DCAF13: variants seen among roughly 807,000 people sequenced by gnomAD.
DCAF13 encodes the protein DDB1 and CUL4 associated factor 13.
In DCAF13, 38 loss-of-function variants were observed where a neutral mutation model predicts 59.0. The observed-to-expected ratio is 0.64, with a 90% CI of 0.50 to 0.84. The LOEUF (loss-of-function observed/expected upper bound fraction) is 0.84. Ranked by LOEUF, DCAF13 falls within the 40% of genes least tolerant of loss-of-function variation. DCAF13 has a pLI of 0.00. For synonymous variants in DCAF13, 173 were observed against 175.0 expected, an observed-to-expected ratio of 0.99 and a Z score of 0.09; for missense variants, 469 against 558.4, an observed-to-expected ratio of 0.84 and a Z score of 1.61.
Position 103,430,699 on chromosome 8 carries a change from A to G in DCAF13, c.702+10A>G, listed in dbSNP as rs1034410786. The G allele has an allele frequency of 2.7e-5, 44 of 1,603,428 alleles. No individual in the cohort carries two copies. The highest frequency in any genetic ancestry group is 3.8e-5 in the Non-Finnish European group (44 of 1,173,224). On this transcript the variant is annotated intron_variant, in intron 6 of 10. Transcript: ENST00000612750. ...TACTCCTTTGAAAAAGGTGAGTTTCAGTTTTGACTTTTGCTTTATACAGTT... is the reference window on the plus strand; with the variant it reads ...TACTCCTTTGAAAAAGGTGAGTTTCGGTTTTGACTTTTGCTTTATACAGTT...
At chr8:103,438,554 C>T (rs1816964091) in intron 8 of DCAF13, among the ~76,000 whole-genome samples, 1 of 151,840 alleles carries the variant, frequency 6.6e-6, no homozygotes, top group African/African-American at 2.4e-5. Flanking sequence ...TGAGCAGCAC[C>T]ACACCTAGCT....
At chr8:103,429,526 G>C (rs150217408) in intron 5 of DCAF13, 2 of 152,306 alleles carry the variant, frequency 1.3e-5, no homozygotes, top group African/African-American at 4.8e-5. Flanking sequence ...ATGCTACAGA[G>C]AGAGGGTTTC....
rs912873567 is a variant in DCAF13, at chr8:103,443,043, G to T, written c.*161G>T. ...GCTACCCTGAAAAATGATCCTTAAA[G>T]GTGGCCTAGTTGGTAAGACTGTTTT... On this transcript the variant is annotated 3_prime_UTR_variant, in exon 11 of 11. Transcript: ENST00000612750. 6.0e-6 allele frequency: 3 copies of T among 503,778 alleles called. No individual in the cohort carries two copies. Among genetic ancestry groups the T allele is most frequent in the Middle Eastern group, 5.3e-4 (1 of 1,886 alleles). The allele number at this position is 503,778 out of a possible 1,614,324, so 31.2% of individuals were successfully genotyped here. A position where few individuals can be genotyped will look rare whatever the true frequency, so the allele number is the denominator to read the frequency against.
chr8:103,432,499 C>T (rs920277341), intron 6 of DCAF13, among the ~76,000 whole-genome samples, 160 bp from the exon 7 acceptor site: 3 of 152,106 alleles, frequency 2.0e-5, no homozygotes, highest in Non-Finnish European at 4.4e-5. Flanking sequence ...ATTTACTATT[C>T]TGCCTGTGTA....
At chr8:103,418,862 ATATATTTTTTTTTTTTT>A (rs1816678200) in intron 1 of DCAF13, among the ~76,000 whole-genome samples, 1 of 21,236 alleles carries the variant, frequency 4.7e-5, no homozygotes, top group African/African-American at 2.6e-4. Flanking sequence ...ATATATATAT[ATATATTTTTTTTTTTTT>A]TTTTTTTTTT....
intron 7 of DCAF13, 106 bp from the exon 8 acceptor site, chr8:103,435,520 A>T: frequency 1.1e-6 from 1 of 904,018 alleles, no homozygotes; most frequent in Non-Finnish European, 1.6e-6. Flanking sequence ...TTTTGTTTAG[A>T]TGTGCATTGT....
intron 8 of DCAF13, 89 bp downstream of exon 8, chr8:103,435,879 CATT>C: frequency 1.5e-6 from 2 of 1,351,350 alleles, no homozygotes; most frequent in Middle Eastern, 1.8e-4. Context: ...GCGATTTCAT[CATT>C]GTGTGAACAT....
intron 2 of DCAF13, 81 bp from the exon 3 acceptor site, chr8:103,420,894 C>T (rs528802236): frequency 1.5e-5 from 15 of 1,019,774 alleles, no homozygotes; most frequent in Admixed American, 3.6e-5. Flanking sequence ...TAGAGTGATT[C>T]GTAGCCTTGT....
chr8:103,438,825 T>C (rs1289617492), intron 8 of DCAF13, among the ~76,000 whole-genome samples: 2 of 152,238 alleles, frequency 1.3e-5, no homozygotes, highest in African/African-American at 4.8e-5. Flanking sequence ...AATAATTTAA[T>C]CCAGATGCAG....
At chr8:103,420,628 A>T in intron 2 of DCAF13, 165 bp downstream of exon 2, 1 of 662,492 alleles carries the variant, frequency 1.5e-6, no homozygotes, top group South Asian at 2.0e-5. Flanking sequence ...TTTAAACCTA[A>T]GAAATTATAA....
At chr8:103,417,641 CAAAAAAAAAAA>C (rs34702662) in intron 1 of DCAF13, among the ~76,000 whole-genome samples, 1 of 75,948 alleles carries the variant, frequency 1.3e-5, no homozygotes, top group African/African-American at 4.3e-5. Flanking sequence ...GACTCCGTCT[CAAAAAAAAAAA>C]AAAAAAAAGA....
chr8:103,416,628 C>T (rs750509), intron 1 of DCAF13, among the ~76,000 whole-genome samples: 8,092 of 152,262 alleles, frequency 0.053, 276 homozygotes, highest in Non-Finnish European at 0.078. Flanking sequence ...CTTCAGCACC[C>T]GTCTTCTGTG....
intron 1 of DCAF13, among the ~76,000 whole-genome samples, chr8:103,416,674 C>T (rs970022922): frequency 6.6e-6 from 1 of 152,162 alleles, no homozygotes; most frequent in Non-Finnish European, 1.5e-5. Context: ...ATCACATTGT[C>T]TCATGATTAT....
intron 1 of DCAF13, among the ~76,000 whole-genome samples, chr8:103,418,482 A>G (rs1452412580): frequency 6.6e-6 from 1 of 152,098 alleles, no homozygotes; most frequent in Non-Finnish European, 1.5e-5. Context: ...GCAGTAGGCT[A>G]TAGTCATATC....
At chr8:103,442,181 G>A (rs1817020893) in intron 10 of DCAF13, 1 of 152,126 alleles carries the variant, frequency 6.6e-6, no homozygotes, top group South Asian at 2.1e-4. Context: ...ATGAAAATGA[G>A]TTACCAAAAT....
At position 103,442,944 on chromosome 8, in the gene DCAF13, A is replaced by C; in HGVS notation, c.*62A>C. 1.7e-6 allele frequency: 2 copies of C among 1,193,522 alleles called. No individual in the cohort carries two copies. The highest frequency in any genetic ancestry group is 2.8e-5 in the South Asian group (2 of 71,818). The allele number at this position is 1,193,522 out of a possible 1,614,324, so 73.9% of individuals were successfully genotyped here. Reference sequence around the variant, plus strand: ...TTACTTTTGATTTGAGAACTCTACAAATAAAAGTGCTGGGACTAGATTAAT... The same window carrying C: ...TTACTTTTGATTTGAGAACTCTACACATAAAAGTGCTGGGACTAGATTAAT... On this transcript the variant is annotated 3_prime_UTR_variant, in exon 11 of 11. Coordinates refer to ENST00000612750, the MANE Select transcript of DCAF13 (RefSeq NM_015420.7).
chr8:103,425,253 G>A (rs963067944), intron 3 of DCAF13, among the ~76,000 whole-genome samples: 8 of 152,150 alleles, frequency 5.3e-5, no homozygotes, highest in African/African-American at 1.9e-4. Flanking sequence ...CCACATTTAT[G>A]ATTTTGTTTT....
At position 103,421,057 on chromosome 8, in the gene DCAF13, G is replaced by A. The variant is rs374390026; in HGVS notation, c.353G>A (p.Arg118His). ...GGCTTTGTACGAGGAATATGTACTC[G>A]CTTTTGTGGGACTTCTTTTTTCACT... ...HEGFVRGICT[R>H]FCGTSFFTVG... Residue 118 changes from arginine (R) to histidine (H), a missense_variant, in exon 3 of 11, where the codon CGC becomes CAC. By Grantham distance (29) the Arg-to-His change is conservative. Coordinates refer to ENST00000612750, the MANE Select transcript of DCAF13 (RefSeq NM_015420.7). 5.0e-6 allele frequency: 8 copies of A among 1,611,734 alleles called. No homozygotes were observed. Among genetic ancestry groups the A allele is most frequent in the Non-Finnish European group, 5.9e-6 (7 of 1,178,112 alleles).
rs1248698376 is a variant in DCAF13, at chr8:103,425,974, A to G, written c.379-82A>G. The G allele has an allele frequency of 4.4e-6, 4 of 908,898 alleles. No homozygotes were observed. In the Admixed American group the frequency reaches 7.0e-5, roughly 16 times the overall value. 56.3% of individuals were successfully genotyped at this position (908,898 alleles called of 1,614,324 possible). ...TGGTATGTTACCTGTTTTAAACAAG[A>G]TACTTATTTGATATGTGTTGGCAAG... On this transcript the variant is annotated intron_variant, in intron 3 of 10. Transcript: ENST00000612750.
Sources: gnomAD v4.1 joint callset for allele counts (sites outside exome capture counted in the v4.1 genomes callset) on GRCh38, gnomAD v4.1.1 for gene constraint, MANE v1.5 for transcripts, NCBI Gene and HGNC (gene_info 2026-07-23, HGNC 2026-07-21) for gene names.